CHGB: variants seen among roughly 807,000 people sequenced by gnomAD.
The protein encoded by CHGB is chromogranin B.
CHGB carries 46 observed loss-of-function variants against 69.9 expected under a neutral mutation model. The observed-to-expected ratio is 0.66, with a 90% CI of 0.52 to 0.84. The LOEUF (loss-of-function observed/expected upper bound fraction) is 0.84. Among genes scored for constraint, CHGB ranks in the 40% least tolerant of loss-of-function variants. The pLI, the probability that CHGB is intolerant of heterozygous loss-of-function variation, is 0.00. For missense variants in CHGB, 796 were observed against 822.2 expected (o/e 0.97, Z 0.39); for synonymous variants, 312 against 298.2 (o/e 1.05, Z -0.48).
intron 3 of CHGB, among the ~76,000 whole-genome samples, chr20:5,918,546 C>T (rs191286810): frequency 1.5e-3 from 234 of 152,222 alleles, no homozygotes; most frequent in African/African-American, 5.5e-3. Flanking sequence ...GGCGCAGTGG[C>T]TCACACCTGT....
In CHGB at chr20:5,923,680, T is replaced by C. The variant is rs1443135528; in HGVS notation, c.1536T>C (p.Ala512=). ...QDKQYSSHHT[A]EKRKRLGELF... is the part of the protein sequence containing the mutation. ...AACAATATAGCTCCCATCACACAGC[T>C]GAAAAGAGGAAGAGATTAGGGGAAC... The change falls in exon 4 of 5, where the codon GCT becomes GCC. Residue 512 remains alanine (A), a synonymous_variant. Transcript: ENST00000378961. 6.2e-7 allele frequency: 1 copy of C among 1,613,876 alleles called. No individual in the cohort carries two copies. Among genetic ancestry groups the C allele is most frequent in the Admixed American group, 1.7e-5 (1 of 60,006 alleles).
At chr20:5,913,463 T>C (rs1018817157) in intron 1 of CHGB, among the ~76,000 whole-genome samples, 3 of 152,118 alleles carry the variant, frequency 2.0e-5, no homozygotes, top group African/African-American at 7.2e-5. Flanking sequence ...CAAGAAACCA[T>C]CTAGCTCATT....
chr20:5,918,460 A>G (rs981943767), intron 3 of CHGB, among the ~76,000 whole-genome samples: 1 of 152,148 alleles, frequency 6.6e-6, no homozygotes, highest in South Asian at 2.1e-4. Flanking sequence ...CTCTCTTGCT[A>G]TAGCTATACA....
chr20:5,918,893 T>C (rs941245735), intron 3 of CHGB, among the ~76,000 whole-genome samples: 3 of 142,914 alleles, frequency 2.1e-5, no homozygotes, highest in African/African-American at 7.9e-5. Flanking sequence ...GTAACAATGG[T>C]AGCTGTGGGG....
In CHGB at chr20:5,923,240, G is replaced by A. The variant is rs768062283; in HGVS notation, c.1096G>A (p.Gly366Arg). The change falls in exon 4 of 5, where the codon GGA becomes AGA. Residue 366 changes from glycine to arginine, a missense_variant. Coordinates refer to ENST00000378961, the MANE Select transcript of CHGB (RefSeq NM_001819.3). ...GGAGTGGGAGCGCTATAGGGGCAGA[G>A]GAAGTGAAGAATACAGGGCTCCAAG... ...DLEWERYRGR[G>R]SEEYRAPRPQ... 1 of 1,613,874 alleles carries A rather than the reference G, an allele frequency of 6.2e-7. No individual in the cohort carries two copies. Among genetic ancestry groups the A allele is most frequent in the Non-Finnish European group, 8.5e-7 (1 of 1,179,894 alleles).
At position 5,923,424 on chromosome 20, in the gene CHGB, G is replaced by T. The variant is rs911967267; in HGVS notation, c.1280G>T (p.Arg427Leu). ...RHHRGRGGEP[R>L]AYFMSDTREE... ...CACAGAGGCAGGGGAGGGGAGCCAC[G>T]TGCCTATTTCATGTCTGACACCAGA... The change falls in exon 4 of 5, where the codon CGT becomes CTT. Residue 427 changes from arginine (R) to leucine (L), a missense_variant. By Grantham distance (102) the Arg-to-Leu change is moderately radical (BLOSUM62 -2). Around this residue, in one of 3 missense-constraint regions of CHGB, gnomAD observed 274 missense variants for 298.9 expected, o/e 0.92. Transcript: ENST00000378961. 1.2e-6 allele frequency: 2 copies of T among 1,614,080 alleles called. No homozygotes were observed. Among genetic ancestry groups the T allele is most frequent in the Non-Finnish European group, 1.7e-6 (2 of 1,179,996 alleles).
Position 5,923,201 on chromosome 20 carries a change from G to A in CHGB, c.1057G>A (p.Ala353Thr), listed in dbSNP as rs754768947. ...EEIKGYPGVQAPEDLEWERYR... is the reference protein window; with the variant it reads ...EEIKGYPGVQTPEDLEWERYR... Reference sequence around the variant, plus strand: ...AATAAAGGGTTATCCAGGCGTCCAGGCCCCTGAGGACCTGGAGTGGGAGCG... The same window carrying A: ...AATAAAGGGTTATCCAGGCGTCCAGACCCCTGAGGACCTGGAGTGGGAGCG... Residue 353 changes from alanine (A) to threonine (T), a missense_variant, in exon 4 of 5, where the codon GCC (alanine) becomes ACC (threonine). By Grantham distance (58) the Ala-to-Thr change is moderately conservative (BLOSUM62 0). This residue lies in a region of CHGB where 518 missense variants were observed against 506.3 expected (regional missense o/e 1.02). Transcript: ENST00000378961. The A allele has an allele frequency of 2.5e-6, 4 of 1,613,696 alleles. No individual in the cohort carries two copies. The highest frequency in any genetic ancestry group is 3.3e-5 in the Admixed American group (2 of 60,004).
chr20:5,924,779 C>A (rs2122580174), intron 4 of CHGB, among the ~76,000 whole-genome samples, 193 bp from the exon 5 acceptor site: 1 of 152,310 alleles, frequency 6.6e-6, no homozygotes, highest in Non-Finnish European at 1.5e-5. Context: ...AGTGAGACCC[C>A]AATATCTGCA....
Position 5,913,925 on chromosome 20 carries a change from C to A in CHGB, c.49+2243C>A, listed in dbSNP as rs752105412. The stretch of plus-strand genomic sequence containing the variant: ...GAGATTACAGGCATGAGCCACTGCA[C>A]CCGGCCGGGAAAATGGTTTCTAAAT... On this transcript the variant is annotated intron_variant, in intron 1 of 4. Transcript: ENST00000378961. 2.0e-5 allele frequency among the ~76,000 whole-genome samples: 3 copies of A among 152,084 alleles called. No homozygotes were observed. In the East Asian group the frequency reaches 5.8e-4, roughly 29 times the overall value.
In CHGB at chr20:5,923,971, G is replaced by A; in HGVS notation, c.1827G>A (p.Gln609=). 1.2e-6 allele frequency: 2 copies of A among 1,614,112 alleles called. No individual in the cohort carries two copies. Among genetic ancestry groups the A allele is most frequent in the Non-Finnish European group, 1.7e-6 (2 of 1,180,014 alleles). ...ATGACAGGGTGGCCCAACTGGACCA[G>A]CTCCTTCACTACAGGAAGAAGTCAG... ...RQYDRVAQLD[Q]LLHYRKKSAE... Residue 609 remains glutamine (Q), a synonymous_variant, in exon 4 of 5, where the codon CAG becomes CAA. Transcript: ENST00000378961.
Position 5,911,654 on chromosome 20 carries a change from C to A in CHGB, c.21C>A (p.Leu7=). 2 of 1,508,018 alleles carry A rather than the reference C, an allele frequency of 1.3e-6. No homozygotes were observed. The highest frequency in any genetic ancestry group is 1.2e-5 in the South Asian group (1 of 81,820). The allele number at this position is 1,508,018 out of a possible 1,614,324, so 93.4% of individuals were successfully genotyped here. Residue 7 remains leucine (L), a synonymous_variant, in exon 1 of 5, where the codon CTC becomes CTA. Transcript: ENST00000378961. MQPTLL[L]SLLGAVGLAA... is the part of the protein sequence containing the mutation. ...GGGCCATGCAGCCAACGCTGCTTCT[C>A]AGCCTCCTGGGAGCCGTGGGGCTGG...
In CHGB at chr20:5,925,150, G is replaced by A; in HGVS notation, c.*101G>A. 2.9e-6 allele frequency: 2 copies of A among 689,380 alleles called. No individual in the cohort carries two copies. Among genetic ancestry groups the A allele is most frequent in the East Asian group, 5.4e-5 (2 of 36,940 alleles). The allele number at this position is 689,380 out of a possible 1,614,324, so 42.7% of individuals were successfully genotyped here. A position where few individuals can be genotyped will look rare whatever the true frequency, so the allele number is the denominator to read the frequency against. Reference sequence around the variant, plus strand: ...CCATTTATCTACCCAAGGGCAGAAAGTAGAACTTACTATTCATTAAATGTT... The same window carrying A: ...CCATTTATCTACCCAAGGGCAGAAAATAGAACTTACTATTCATTAAATGTT... On this transcript the variant is annotated 3_prime_UTR_variant, in exon 5 of 5. Coordinates refer to ENST00000378961, the MANE Select transcript of CHGB (RefSeq NM_001819.3).
At position 5,913,608 on chromosome 20, in the gene CHGB, T is replaced by TTTTTC. The variant is rs143954799; in HGVS notation, c.49+1946_49+1950dup. ...AGGTAAAATGGTTTCTTTATCTTTC[T>TTTTTC]TTTTCTTTTCTTTTCTTTTCTTTTT... On this transcript the variant is annotated intron_variant, in intron 1 of 4. Coordinates refer to ENST00000378961, the MANE Select transcript of CHGB (RefSeq NM_001819.3). 1.3e-3 allele frequency among the ~76,000 whole-genome samples: 179 copies of TTTTTC among 140,014 alleles called. 4 individuals are homozygous for TTTTTC. Among genetic ancestry groups the TTTTTC allele is most frequent in the African/African-American group, 4.5e-3 (165 of 36,956 alleles). 91.9% of individuals were successfully genotyped at this position (140,014 alleles called of 152,430 possible). A position where few individuals can be genotyped will look rare whatever the true frequency, so the allele number is the denominator to read the frequency against.
chr20:5,917,959 AC>A (rs1485323585), intron 3 of CHGB: 24 of 143,672 alleles, frequency 1.7e-4, no homozygotes, highest in African/African-American at 5.8e-4. Flanking sequence ...ACATGGTGAA[AC>A]CCTGTCTCTA....
At chr20:5,916,243 A>AT in intron 1 of CHGB, 83 bp from the exon 2 acceptor site, 2 of 1,002,974 alleles carry the variant, frequency 2.0e-6, no homozygotes, top group Non-Finnish European at 3.1e-6. Context: ...ACAACAACTA[A>AT]TGTGGGGTGA....
At chr20:5,913,095 T>C (rs1373910444) in intron 1 of CHGB, among the ~76,000 whole-genome samples, 1 of 152,230 alleles carries the variant, frequency 6.6e-6, no homozygotes, top group Admixed American at 6.5e-5. Context: ...TGGGAATGAT[T>C]TAACTATTGT....
In CHGB at chr20:5,923,930, G is replaced by A. The variant is rs1290993073; in HGVS notation, c.1786G>A (p.Asp596Asn). The part of the protein sequence containing the change: ...KRNLARVPKL[D>N]LKRQYDRVAQ... ...AAACCTCGCCAGGGTCCCCAAGCTGGACCTGAAAAGGCAATATGACAGGGT... is the reference window on the plus strand; with the variant it reads ...AAACCTCGCCAGGGTCCCCAAGCTGAACCTGAAAAGGCAATATGACAGGGT... Residue 596 changes from aspartate (D) to asparagine (N), a missense_variant, in exon 4 of 5, where the codon GAC (aspartate) becomes AAC (asparagine). By Grantham distance (23) the Asp-to-Asn change is conservative. Transcript: ENST00000378961. 4 of 1,614,154 alleles carry A rather than the reference G, an allele frequency of 2.5e-6. No homozygotes were observed. The highest frequency in any genetic ancestry group is 1.7e-5 in the Admixed American group (1 of 60,020).
intron 3 of CHGB, among the ~76,000 whole-genome samples, chr20:5,921,314 T>C (rs561761889): frequency 2.0e-5 from 3 of 152,324 alleles, no homozygotes; most frequent in South Asian, 2.1e-4. Context: ...TTTCAAGTGC[T>C]CAACAGCACT....
At chr20:5,921,442 C>A (rs1038807701) in intron 3 of CHGB, among the ~76,000 whole-genome samples, 1 of 152,208 alleles carries the variant, frequency 6.6e-6, no homozygotes, top group Non-Finnish European at 1.5e-5. Context: ...ACAACTGAGA[C>A]AATGCTAACT....
Sources: gnomAD v4.1 joint callset for allele counts (sites outside exome capture counted in the v4.1 genomes callset) on GRCh38, gnomAD v4.1.1 for gene constraint, gnomAD v4.1.1 regional missense constraint, MANE v1.5 for transcripts, NCBI Gene and HGNC (gene_info 2026-07-23, HGNC 2026-07-21) for gene names.